NOX5: variants seen among roughly 807,000 people sequenced by gnomAD.
NOX5 encodes the protein NADPH oxidase 5.
A neutral mutation model predicts 85.7 loss-of-function variants in NOX5; 76 were observed. The observed-to-expected ratio is 0.89, with a 90% CI of 0.74 to 1.07. NOX5 has a LOEUF of 1.07. Among genes scored for constraint, NOX5 ranks in the 50% least tolerant of loss-of-function variants. The probability of loss-of-function intolerance (pLI) is 0.00; values close to 1 mark genes in which losing one functional copy is unlikely to be tolerated. For synonymous variants in NOX5, 405 were observed against 401.4 expected (o/e 1.01, Z -0.11); for missense variants, 973 against 999.5 (o/e 0.97, Z 0.36).
chr15:69,048,585 A>T lies in NOX5; in HGVS notation c.1900-374A>T, dbSNP rs961586354. Among the ~76,000 whole-genome samples the T allele has an allele frequency of 4.6e-5, 7 of 151,970 alleles. No homozygotes were observed. The East Asian group carries it at 7.7e-4, about 17-fold the overall frequency. On this transcript the variant is annotated intron_variant, in intron 13 of 15. Coordinates refer to ENST00000388866, the MANE Select transcript of NOX5 (RefSeq NM_024505.4). Reference sequence around the variant, plus strand: ...ATAATTAAAATAATATAATCAAATAATAATGGAAACATGTTTGCCTTTTGA... The same window carrying T: ...ATAATTAAAATAATATAATCAAATATTAATGGAAACATGTTTGCCTTTTGA...
chr15:69,031,919 C>A, intron 4 of NOX5, 107 bp downstream of exon 4: 2 of 1,151,104 alleles, frequency 1.7e-6, no homozygotes, highest in Non-Finnish European at 1.2e-6. Context: ...CCCCGCCCTG[C>A]CCCGCCCCTC....
intron 1 of NOX5, among the ~76,000 whole-genome samples, chr15:69,017,532 C>T (rs2050246085): frequency 6.6e-6 from 1 of 152,162 alleles, no homozygotes; most frequent in African/African-American, 2.4e-5. Flanking sequence ...CTACCTACGA[C>T]CCGGAAGCCC....
At chr15:69,022,742 T>G in intron 1 of NOX5, 1 of 192,402 alleles carries the variant, frequency 5.2e-6, no homozygotes, top group Non-Finnish European at 1.1e-5. Flanking sequence ...AAGCAGCAGA[T>G]TTCAAGGTTA....
At chr15:69,056,066 T>A (rs1017964051) in intron 15 of NOX5, among the ~76,000 whole-genome samples, 1 of 152,080 alleles carries the variant, frequency 6.6e-6, no homozygotes, top group African/African-American at 2.4e-5. Context: ...TGCTTGGGCA[T>A]CAAAGAGGAC....
chr15:69,048,859 C>T, intron 13 of NOX5, 100 bp from the exon 14 acceptor site: 1 of 745,824 alleles, frequency 1.3e-6, no homozygotes, highest in East Asian at 2.7e-5. Context: ...ATGTTCCCTG[C>T]TTACTTCAGG....
Position 69,055,321 on chromosome 15 carries a change from C to T in NOX5, c.2000-13C>T, listed in dbSNP as rs2050797738. On this transcript the variant is annotated splice_polypyrimidine_tract_variant and intron_variant, in intron 14 of 15. Transcript: ENST00000388866. ...CTAGACCCTCAGTGCAGCCCTTGTC[C>T]CCTGCCCAACAGGCCGCTTCCTGGA... 1 of 1,613,322 alleles carries T rather than the reference C, an allele frequency of 6.2e-7. No individual in the cohort carries two copies. The highest frequency in any genetic ancestry group is 8.5e-7 in the Non-Finnish European group (1 of 1,179,432).
chr15:69,051,517 G>C (rs72754306), intron 14 of NOX5, among the ~76,000 whole-genome samples: 13,186 of 151,978 alleles, frequency 0.087, 1,084 homozygotes, highest in East Asian at 0.22. Flanking sequence ...GTAACTGAGA[G>C]TACAAGTGTG....
intron 4 of NOX5, among the ~76,000 whole-genome samples, chr15:69,032,330 G>GT (rs1264763553): frequency 6.6e-6 from 1 of 151,796 alleles, no homozygotes; most frequent in East Asian, 1.9e-4. Flanking sequence ...AAATAAGAGT[G>GT]TAACAGCAAG....
chr15:69,046,688 C>T (rs1454046205), intron 10 of NOX5, 134 bp from the exon 11 acceptor site: 1 of 738,280 alleles, frequency 1.4e-6, no homozygotes, highest in East Asian at 2.5e-5. Context: ...GCTTCGTGTT[C>T]CCTGAATGGT....
chr15:69,026,656 G>A lies in NOX5; in HGVS notation c.174+5G>A. 6.2e-7 allele frequency: 1 copy of A among 1,614,076 alleles called. No individual in the cohort carries two copies. Among genetic ancestry groups the A allele is most frequent in the Non-Finnish European group, 8.5e-7 (1 of 1,179,960 alleles). ...GCAGCTCTGCATGTGAAAGAGGCAAGTGTTGGGCCAAGGTGGAAGCCCTGC... is the reference window on the plus strand; with the variant it reads ...GCAGCTCTGCATGTGAAAGAGGCAAATGTTGGGCCAAGGTGGAAGCCCTGC... On this transcript the variant is annotated splice_donor_5th_base_variant and intron_variant, in intron 2 of 15. Transcript: ENST00000388866.
intron 14 of NOX5, among the ~76,000 whole-genome samples, chr15:69,053,697 G>C (rs1362460898): frequency 6.6e-6 from 1 of 152,152 alleles, no homozygotes; most frequent in Non-Finnish European, 1.5e-5. Flanking sequence ...AACACAGCTG[G>C]ATGGAGAGAG....
At position 69,026,501 on chromosome 15, in the gene NOX5, C is replaced by G. The variant is rs1415207872; in HGVS notation, c.51-27C>G. ...CATAAGGCTTTGGCCACCCCAAGCC[C>G]ATAAACCTGTTTCCTTTGCCTCCCA... On this transcript the variant is annotated intron_variant, in intron 1 of 15. Coordinates refer to ENST00000388866, the MANE Select transcript of NOX5 (RefSeq NM_024505.4). The G allele has an allele frequency of 5.0e-6, 8 of 1,613,828 alleles. No homozygotes were observed. In the African/African-American group the frequency reaches 8.0e-5, roughly 16 times the overall value.
intron 1 of NOX5, chr15:69,022,459 TG>T (rs2050306452): frequency 5.7e-6 from 1 of 176,208 alleles, no homozygotes; most frequent in Admixed American, 5.5e-5. Flanking sequence ...AATGCCATTC[TG>T]GGACCCGCAA....
intron 7 of NOX5, among the ~76,000 whole-genome samples, chr15:69,036,669 T>G (rs1489640166): frequency 6.6e-6 from 1 of 152,208 alleles, no homozygotes; most frequent in Admixed American, 6.5e-5. Flanking sequence ...TTCTGCTATT[T>G]CTTCTCCACT....
At position 69,016,605 on chromosome 15, in the gene NOX5, C is replaced by T. The variant is rs543961158; in HGVS notation, c.50+1820C>T. ...TAGGACTTGCTGACTTGGAAAGTGA[C>T]GTGAGTTAATAGGCATGAAAAAGAG... On this transcript the variant is annotated intron_variant, in intron 1 of 15. Transcript: ENST00000388866. Among the ~76,000 whole-genome samples, 10 of 152,150 alleles carry T rather than the reference C, an allele frequency of 6.6e-5. No individual in the cohort carries two copies. The East Asian group carries it at 7.7e-4, about 12-fold the overall frequency.
At position 69,061,375 on chromosome 15, in the gene NOX5, G is replaced by A. The variant is rs1268912001; in HGVS notation, c.*4679G>A. The A allele has an allele frequency of 6.6e-6, 1 of 152,240 alleles. No homozygotes were observed. Among genetic ancestry groups the A allele is most frequent in the African/African-American group, 2.4e-5 (1 of 41,460 alleles). The allele number at this position is 152,240 out of a possible 1,614,324, so 9.4% of individuals were successfully genotyped here. On this transcript the variant is annotated 3_prime_UTR_variant, in exon 16 of 16. Coordinates refer to ENST00000388866, the MANE Select transcript of NOX5 (RefSeq NM_024505.4). ...AATGCCCTGTCTAGGCCCAAAACTA[G>A]TCCAGAAGGACTGTGGAGGCCGTGG...
intron 1 of NOX5, chr15:69,022,885 C>A: frequency 2.3e-6 from 1 of 435,220 alleles, no homozygotes; most frequent in South Asian, 1.9e-5. Flanking sequence ...ACAGCAAATG[C>A]TGACCTTTTT....
At position 69,037,273 on chromosome 15, in the gene NOX5, G is replaced by A. The variant is rs942349956; in HGVS notation, c.1371+63G>A. 2.0e-6 allele frequency: 3 copies of A among 1,467,534 alleles called. No homozygotes were observed. The African/African-American group carries it at 4.2e-5, about 20-fold the overall frequency. The allele number at this position is 1,467,534 out of a possible 1,614,324, so 90.9% of individuals were successfully genotyped here. On this transcript the variant is annotated intron_variant, in intron 8 of 15. Transcript: ENST00000388866. The stretch of plus-strand genomic sequence containing the variant: ...CACCCCAAGGGACAGTTTGTGGGGT[G>A]GAGCAGCTGGATACCCTGTCAGACC...
chr15:69,047,357 C>A, intron 11 of NOX5, 56 bp from the exon 12 acceptor site: 1 of 1,498,778 alleles, frequency 6.7e-7, no homozygotes, highest in Non-Finnish European at 8.9e-7. Flanking sequence ...CCCCTGGTAG[C>A]AGGGGAGACC....
Sources: allele counts gnomAD v4.1 joint callset (sites outside exome capture counted in the v4.1 genomes callset), GRCh38; gene constraint gnomAD v4.1.1; transcripts MANE v1.5; gene names NCBI Gene and HGNC (gene_info 2026-07-23, HGNC 2026-07-21).